The following PAX7 variants were observed in gnomAD, a reference collection of about 807,000 sequenced individuals.
The protein encoded by PAX7 is paired box 7.
Under a neutral mutation model 50.7 loss-of-function variants are expected in PAX7, and 18 were observed. That is an observed-to-expected ratio of 0.36 (90% CI 0.25 to 0.53). PAX7 has a LOEUF of 0.53. Ranked by LOEUF, PAX7 falls within the 20% of genes least tolerant of loss-of-function variation. The pLI is 0.93. For synonymous variants in PAX7, 310 were observed against 290.4 expected (o/e 1.07, Z -0.69); for missense variants, 644 against 702.9 (o/e 0.92, Z 0.95).
intron 4 of PAX7, among the ~76,000 whole-genome samples, chr1:18,642,064 A>G (rs536799452): frequency 6.6e-6 from 1 of 150,630 alleles, no homozygotes; most frequent in Non-Finnish European, 1.5e-5. Flanking sequence ...TAAAGCAGTA[A>G]GGTGATTATT....
At position 18,673,282 on chromosome 1, in the gene PAX7, G is replaced by A. The variant is rs142526551; in HGVS notation, c.587-18472G>A. Among the ~76,000 whole-genome samples the A allele has an allele frequency of 7.4e-4, 113 of 152,298 alleles. No individual in the cohort carries two copies. The South Asian group carries it at 0.012, about 16-fold the overall frequency. ...TGCAAAGCTTAGTACCTGGCATAAG[G>A]CAAGAGCGTCATAGACACCCGTTAC... is the stretch of plus-strand genomic sequence containing the variant. On this transcript the variant is annotated intron_variant, in intron 4 of 8. Coordinates refer to ENST00000420770, the MANE Select transcript of PAX7 (RefSeq NM_001135254.2).
At chr1:18,648,682 G>A (rs2100451942) in intron 4 of PAX7, among the ~76,000 whole-genome samples, 1 of 152,270 alleles carries the variant, frequency 6.6e-6, no homozygotes, top group Non-Finnish European at 1.5e-5. Flanking sequence ...TGTGTGGGAT[G>A]TGCTGGGGAG....
chr1:18,744,959 T>C lies in PAX7; in HGVS notation c.*30T>C. 7.6e-7 allele frequency: 1 copy of C among 1,312,420 alleles called. No homozygotes were observed. Among genetic ancestry groups the C allele is most frequent in the Non-Finnish European group, 1.1e-6 (1 of 929,570 alleles). 81.3% of individuals were successfully genotyped at this position (1,312,420 alleles called of 1,614,324 possible). Reference sequence around the variant, plus strand: ...CCTGGGGCGACTTGCCCCAGCCCAATTCCCAGCCCAACCCTAACTGACCCC... The same window carrying C: ...CCTGGGGCGACTTGCCCCAGCCCAACTCCCAGCCCAACCCTAACTGACCCC... On this transcript the variant is annotated 3_prime_UTR_variant, in exon 9 of 9. Transcript: ENST00000420770.
At chr1:18,669,841 A>T (rs919871080) in intron 4 of PAX7, among the ~76,000 whole-genome samples, 37 of 152,260 alleles carry the variant, frequency 2.4e-4, no homozygotes, top group African/African-American at 8.9e-4. Context: ...AAAGCCCTTA[A>T]TAGGGAGGCC....
chr1:18,699,317 C>A (rs2089186874), intron 5 of PAX7, among the ~76,000 whole-genome samples: 1 of 152,106 alleles, frequency 6.6e-6, no homozygotes. Flanking sequence ...AGAGAACCTA[C>A]CTGAACCCAC....
chr1:18,659,323 C>T (rs2088567728), intron 4 of PAX7, among the ~76,000 whole-genome samples: 1 of 152,212 alleles, frequency 6.6e-6, no homozygotes, highest in Non-Finnish European at 1.5e-5. Flanking sequence ...CTCTGAGACA[C>T]CTGAGCAGGA....
chr1:18,643,455 T>C (rs941982011), intron 4 of PAX7, among the ~76,000 whole-genome samples: 2 of 151,996 alleles, frequency 1.3e-5, no homozygotes, highest in African/African-American at 2.4e-5. Flanking sequence ...CAGAAGAGAA[T>C]CTTGCGCACA....
At chr1:18,714,206 C>CAAATAAATAAATAAAT (rs10682105) in intron 7 of PAX7, among the ~76,000 whole-genome samples, 2,509 of 145,042 alleles carry the variant, frequency 0.017, 27 homozygotes, top group East Asian at 0.035. Flanking sequence ...GGCTCCGTCT[C>CAAATAAATAAATAAAT]AAATAAATAA....
rs1043277032 is a variant in PAX7, at chr1:18,726,289, A to C, written c.1156-9343A>C. On this transcript the variant is annotated intron_variant, in intron 7 of 8. Transcript: ENST00000420770. The surrounding 1 kb of genome is among the most constrained non-coding windows in gnomAD (Gnocchi z 4.8). Reference sequence around the variant, plus strand: ...GCCTCCAAGGACCCCTGGAATGGGGAGGGGGCACTTAGAAACCCATTGGGT... The same window carrying C: ...GCCTCCAAGGACCCCTGGAATGGGGCGGGGGCACTTAGAAACCCATTGGGT... Among the ~76,000 whole-genome samples the C allele has an allele frequency of 6.6e-6, 1 of 152,118 alleles. No homozygotes were observed. The highest frequency in any genetic ancestry group is 2.4e-5 in the African/African-American group (1 of 41,424).
At chr1:18,653,854 AC>A (rs1238065872) in intron 4 of PAX7, among the ~76,000 whole-genome samples, 3 of 152,054 alleles carry the variant, frequency 2.0e-5, no homozygotes, top group Non-Finnish European at 4.4e-5. Context: ...GGTTTTAGTA[AC>A]AATAAAAGGT....
chr1:18,645,393 G>A (rs891698091), intron 4 of PAX7, among the ~76,000 whole-genome samples: 1 of 152,236 alleles, frequency 6.6e-6, no homozygotes, highest in African/African-American at 2.4e-5. Flanking sequence ...CAGAAAAAGG[G>A]GTGGGGCGGC....
chr1:18,732,210 T>C (rs1310133114), intron 7 of PAX7, among the ~76,000 whole-genome samples: 1 of 152,198 alleles, frequency 6.6e-6, no homozygotes, highest in Non-Finnish European at 1.5e-5. Flanking sequence ...GAAATTATAT[T>C]ATTTGTTCAC....
chr1:18,688,545 C>G (rs1045937764), intron 4 of PAX7, among the ~76,000 whole-genome samples: 17 of 152,186 alleles, frequency 1.1e-4, no homozygotes, highest in Admixed American at 1.0e-3. Context: ...AGAACGTTTC[C>G]GTCATCGCAG....
Position 18,657,985 on chromosome 1 carries a change from G to A in PAX7, c.586+21614G>A, listed in dbSNP as rs540375478. ...TATACTGGGCCCTTTTGTCCCCCCA[G>A]GGCCGACGCATGAATACCTCTCAAT... On this transcript the variant is annotated intron_variant, in intron 4 of 8. Coordinates refer to ENST00000420770, the MANE Select transcript of PAX7 (RefSeq NM_001135254.2). Among the ~76,000 whole-genome samples the A allele has an allele frequency of 1.3e-4, 20 of 152,248 alleles. No homozygotes were observed. The South Asian group carries it at 4.2e-3, about 32-fold the overall frequency.
At chr1:18,719,648 G>A (rs1025573777) in intron 7 of PAX7, among the ~76,000 whole-genome samples, 3 of 152,330 alleles carry the variant, frequency 2.0e-5, no homozygotes, top group East Asian at 1.9e-4. Context: ...GAGCCTCCCC[G>A]GCAAGGGGCT....
intron 8 of PAX7, among the ~76,000 whole-genome samples, chr1:18,737,068 C>T (rs1222327846): frequency 2.0e-5 from 3 of 152,270 alleles, no homozygotes; most frequent in Non-Finnish European, 4.4e-5. Flanking sequence ...GACCGTGGAT[C>T]CTCACACCAA....
intron 8 of PAX7, 121 bp from the exon 9 acceptor site, chr1:18,744,693 G>GATGGATGGATGGATGGAGAA (rs1931346502): frequency 3.1e-6 from 1 of 322,486 alleles, no homozygotes; most frequent in Admixed American, 5.0e-5. Flanking sequence ...TGGATAAATG[G>GATGGATGGATGGATGGAGAA]ATGGATGGAT....
intron 4 of PAX7, among the ~76,000 whole-genome samples, chr1:18,659,214 C>G (rs1302118465): frequency 6.6e-6 from 1 of 152,180 alleles, no homozygotes; most frequent in Non-Finnish European, 1.5e-5. Flanking sequence ...AAGGACCAGT[C>G]AACTACATTT....
rs192278775 is a variant in PAX7 at position 18,704,704 on chromosome 1, A to T, written c.1155+1408A>T. Among the ~76,000 whole-genome samples the T allele has an allele frequency of 6.9e-3, 805 of 116,488 alleles. 8 individuals carry two copies. Among genetic ancestry groups the T allele is most frequent in the African/African-American group, 0.024 (741 of 31,200 alleles). 76.4% of individuals were successfully genotyped at this position (116,488 alleles called of 152,430 possible). Reference sequence around the variant, plus strand: ...TACTATCAGGCCCTTACAGTAAATTAAAAAAAAAAACAAACCTTTGTCTGA... The same window carrying T: ...TACTATCAGGCCCTTACAGTAAATTTAAAAAAAAAACAAACCTTTGTCTGA... On this transcript the variant is annotated intron_variant, in intron 7 of 8. Coordinates refer to ENST00000420770, the MANE Select transcript of PAX7 (RefSeq NM_001135254.2).
Sources: allele counts gnomAD v4.1 joint callset (sites outside exome capture counted in the v4.1 genomes callset), GRCh38; gene constraint gnomAD v4.1.1; non-coding constraint Gnocchi (gnomAD v3.1); transcripts MANE v1.5; gene names NCBI Gene and HGNC (gene_info 2026-07-23, HGNC 2026-07-21).